ITPK1: variants seen among roughly 807,000 people sequenced by gnomAD.
The protein encoded by ITPK1 is inositol-tetrakisphosphate 1-kinase.
ITPK1 carries 21 observed loss-of-function variants against 45.3 expected under a neutral mutation model. The ratio of observed to expected loss-of-function variants is 0.46; its 90% CI spans 0.33 to 0.67. The LOEUF (loss-of-function observed/expected upper bound fraction) is 0.67, where lower values mean the gene tolerates loss of function less well. Among genes scored for constraint, ITPK1 ranks in the 30% least tolerant of loss-of-function variants. The probability of loss-of-function intolerance (pLI) is 0.02; values close to 1 mark genes in which losing one functional copy is unlikely to be tolerated. For synonymous variants in ITPK1, 258 were observed against 253.6 expected (o/e 1.02, Z -0.16); for missense variants, 474 against 573.5 (o/e 0.83, Z 1.77).
chr14:93,045,522 C>T (rs745987826), intron 3 of ITPK1, among the ~76,000 whole-genome samples: 56 of 152,290 alleles, frequency 3.7e-4, no homozygotes, highest in Non-Finnish European at 4.9e-4. Flanking sequence ...TTAGATGGCA[C>T]GTGCCTGTAG....
At position 92,938,358 on chromosome 14, in the gene ITPK1, G is replaced by A. The variant is rs1887209188; in HGVS notation, c.*3203C>T. ...CAGTGGCCAATGTGAGTGCCCAAGA[G>A]CCAAGAACTGGTCTTCCAGGCTAGA... On this transcript the variant is annotated 3_prime_UTR_variant, in exon 11 of 11. Coordinates refer to ENST00000267615, the MANE Select transcript of ITPK1 (RefSeq NM_014216.6). 4.0e-6 allele frequency: 3 copies of A among 751,378 alleles called. No homozygotes were observed. Among genetic ancestry groups the A allele is most frequent in the East Asian group, 5.2e-5 (2 of 38,652 alleles). The allele number at this position is 751,378 out of a possible 1,614,324, so 46.5% of individuals were successfully genotyped here. A position where few individuals can be genotyped will look rare whatever the true frequency, so the allele number is the denominator to read the frequency against.
At chr14:92,966,431 T>A (rs967893802) in intron 5 of ITPK1, among the ~76,000 whole-genome samples, 3 of 152,062 alleles carry the variant, frequency 2.0e-5, no homozygotes, top group African/African-American at 7.2e-5. Context: ...AAAATACCAT[T>A]GAAAGAAATT....
chr14:93,081,466 T>TA (rs1343446919), intron 2 of ITPK1, among the ~76,000 whole-genome samples: 1 of 152,222 alleles, frequency 6.6e-6, no homozygotes, highest in Non-Finnish European at 1.5e-5. Flanking sequence ...TAGCTAAGTA[T>TA]AAACATGCTT....
intron 3 of ITPK1, among the ~76,000 whole-genome samples, chr14:93,037,198 A>C (rs1345803050): frequency 1.3e-5 from 2 of 152,184 alleles, no homozygotes; most frequent in Non-Finnish European, 2.9e-5. Flanking sequence ...TGACCCCGGG[A>C]CAATGGCATC....
chr14:93,071,913 A>T (rs1025026249), intron 3 of ITPK1: 13 of 152,156 alleles, frequency 8.5e-5, no homozygotes, highest in Non-Finnish European at 1.6e-4. Context: ...TCCTGGACTG[A>T]ATTATTATAA....
chr14:92,993,484 C>A (rs1036437179), intron 5 of ITPK1, among the ~76,000 whole-genome samples: 1 of 152,250 alleles, frequency 6.6e-6, no homozygotes, highest in Admixed American at 6.5e-5. Flanking sequence ...TACATCTCCA[C>A]GTGTTTGATT....
At chr14:93,093,867 C>T (rs1211629523) in intron 2 of ITPK1, among the ~76,000 whole-genome samples, 1 of 152,286 alleles carries the variant, frequency 6.6e-6, no homozygotes, top group African/African-American at 2.4e-5. Flanking sequence ...CAACCTCACA[C>T]AACTGCTATG....
intron 2 of ITPK1, among the ~76,000 whole-genome samples, chr14:93,103,099 C>CAAA (rs71123389): frequency 1.3e-4 from 9 of 68,858 alleles, no homozygotes; most frequent in Admixed American, 1.7e-4. Context: ...GACTCCATCT[C>CAAA]AAAAAAAAAA....
At chr14:93,044,928 G>C (rs1327597170) in intron 3 of ITPK1, among the ~76,000 whole-genome samples, 1 of 152,200 alleles carries the variant, frequency 6.6e-6, no homozygotes, top group Non-Finnish European at 1.5e-5. Context: ...AACCTGACAG[G>C]GTTTAGCACC....
chr14:93,106,095 T>TTCCCTCGGC (rs1378023190), intron 2 of ITPK1, among the ~76,000 whole-genome samples: 1 of 152,056 alleles, frequency 6.6e-6, no homozygotes, highest in Non-Finnish European at 1.5e-5. Flanking sequence ...CAGGCGCGGC[T>TTCCCTCGGC]TCCCTCGGCT....
At chr14:93,112,502 C>A (rs1322948970) in intron 2 of ITPK1, among the ~76,000 whole-genome samples, 1 of 149,092 alleles carries the variant, frequency 6.7e-6, no homozygotes, top group Non-Finnish European at 1.5e-5. Context: ...TGCAGTGGCA[C>A]CATCTCGACT....
At chr14:93,081,428 A>T (rs1273297207) in intron 2 of ITPK1, among the ~76,000 whole-genome samples, 1 of 152,112 alleles carries the variant, frequency 6.6e-6, no homozygotes, top group Non-Finnish European at 1.5e-5. Flanking sequence ...AATACAATAT[A>T]TTAATATGAA....
chr14:93,080,743 T>C (rs1436127642), intron 2 of ITPK1, among the ~76,000 whole-genome samples: 1 of 144,074 alleles, frequency 6.9e-6, no homozygotes, highest in African/African-American at 2.7e-5. Context: ...AAAAGTTACA[T>C]TTTTTTTTTT....
chr14:92,952,170 G>C (rs1887988547), intron 8 of ITPK1, among the ~76,000 whole-genome samples, 157 bp from the exon 9 acceptor site: 1 of 152,184 alleles, frequency 6.6e-6, no homozygotes, highest in Non-Finnish European at 1.5e-5. Context: ...ACCAGCCCTG[G>C]GCACGGATGT....
chr14:93,111,990 A>G (rs891648182), intron 2 of ITPK1, among the ~76,000 whole-genome samples: 3 of 152,038 alleles, frequency 2.0e-5, no homozygotes, highest in Admixed American at 2.0e-4. Context: ...GGGGCACTTC[A>G]TGGCCCATGA....
At chr14:93,094,309 G>A (rs778592904) in intron 2 of ITPK1, among the ~76,000 whole-genome samples, 4 of 152,194 alleles carry the variant, frequency 2.6e-5, no homozygotes, top group Non-Finnish European at 4.4e-5. Context: ...CTGAATCACC[G>A]TCGGTATGGG....
chr14:93,010,000 C>T (rs566955976), intron 4 of ITPK1, among the ~76,000 whole-genome samples: 10 of 152,338 alleles, frequency 6.6e-5, no homozygotes, highest in Admixed American at 3.3e-4. Flanking sequence ...ATTCCATTAT[C>T]TCAGGGACTG....
intron 8 of ITPK1, among the ~76,000 whole-genome samples, chr14:92,957,335 T>C (rs901789871): frequency 1.3e-5 from 2 of 152,218 alleles, no homozygotes; most frequent in Admixed American, 6.5e-5. Flanking sequence ...AAGCTACTTA[T>C]CCCAAGACAC....
At chr14:92,944,397 T>A (rs1432102069) in intron 10 of ITPK1, among the ~76,000 whole-genome samples, 1 of 152,146 alleles carries the variant, frequency 6.6e-6, no homozygotes, top group Non-Finnish European at 1.5e-5. Flanking sequence ...CCACCCCATC[T>A]GGGTGGCCCT....
Sources: gnomAD v4.1 joint callset for allele counts (sites outside exome capture counted in the v4.1 genomes callset) on GRCh38, gnomAD v4.1.1 for gene constraint, MANE v1.5 for transcripts, NCBI Gene and HGNC (gene_info 2026-07-23, HGNC 2026-07-21) for gene names.